CSMD1: variants seen among roughly 807,000 people sequenced by gnomAD.
The protein encoded by CSMD1 is CUB and Sushi multiple domains 1, also known as CUB and sushi domain-containing protein 1.
In CSMD1, 213 loss-of-function variants were observed where a neutral mutation model predicts 417.5. The observed-to-expected ratio is 0.51, with a 90% CI of 0.46 to 0.57. The LOEUF (loss-of-function observed/expected upper bound fraction) is 0.57. CSMD1 is among the 20% of genes least tolerant of loss of function. The pLI, the probability that CSMD1 is intolerant of heterozygous loss-of-function variation, is 0.00. For synonymous variants in CSMD1, 2,862 were observed against 1,736.8 expected, an observed-to-expected ratio of 1.65 and a Z score of -16.11; for missense variants, 6,923 against 4,529.7, an observed-to-expected ratio of 1.53 and a Z score of -15.17.
intron 3 of CSMD1, among the ~76,000 whole-genome samples, chr8:4,034,260 G>C (rs1367719621): frequency 2.0e-5 from 3 of 152,012 alleles, no homozygotes; most frequent in African/African-American, 7.2e-5. Flanking sequence ...GAAATATTTA[G>C]GAAATAAATA....
chr8:3,785,420 A>C (rs1584994488), intron 5 of CSMD1, among the ~76,000 whole-genome samples: 1 of 152,200 alleles, frequency 6.6e-6, no homozygotes, highest in African/African-American at 2.4e-5. Context: ...GGTCAGGCTA[A>C]GCAGCTGGGA....
At chr8:3,478,736 G>T (rs1817567386) in intron 11 of CSMD1, among the ~76,000 whole-genome samples, 1 of 152,200 alleles carries the variant, frequency 6.6e-6, no homozygotes, top group Admixed American at 6.5e-5. Flanking sequence ...ATGGATGTAA[G>T]AGCCACACCA....
At chr8:4,982,379 CGGAG>C (rs1810942410) in intron 1 of CSMD1, among the ~76,000 whole-genome samples, 1 of 152,172 alleles carries the variant, frequency 6.6e-6, no homozygotes, top group Non-Finnish European at 1.5e-5. Flanking sequence ...TCTGGTCCTG[CGGAG>C]AGGATAAACC....
At chr8:4,496,185 T>C (rs1472513719) in intron 2 of CSMD1, among the ~76,000 whole-genome samples, 3 of 152,204 alleles carry the variant, frequency 2.0e-5, no homozygotes, top group African/African-American at 7.2e-5. Context: ...AAAATTTAAA[T>C]TCCATGTTTA....
intron 3 of CSMD1, among the ~76,000 whole-genome samples, chr8:4,172,107 G>C (rs60877273): frequency 1.2e-4 from 18 of 152,018 alleles, no homozygotes; most frequent in Middle Eastern, 6.8e-3. Flanking sequence ...TTTATCATGC[G>C]GATCATTTCA....
At chr8:4,374,438 A>G (rs1802589698) in intron 3 of CSMD1, among the ~76,000 whole-genome samples, 1 of 152,166 alleles carries the variant, frequency 6.6e-6, no homozygotes, top group Non-Finnish European at 1.5e-5. Context: ...TGTAGAAGGA[A>G]TGGAACTTTA....
At chr8:3,534,118 C>T (rs553134159) in intron 10 of CSMD1, among the ~76,000 whole-genome samples, 15 of 152,220 alleles carry the variant, frequency 9.9e-5, no homozygotes, top group South Asian at 4.2e-4. Context: ...CCATATTCCC[C>T]GCTCTCACTC....
intron 3 of CSMD1, among the ~76,000 whole-genome samples, chr8:4,264,894 C>T (rs1804143369): frequency 6.6e-6 from 1 of 152,152 alleles, no homozygotes; most frequent in Admixed American, 6.5e-5. Flanking sequence ...ACAGAGAAAA[C>T]ATGTAGGAAT....
intron 2 of CSMD1, among the ~76,000 whole-genome samples, chr8:4,473,862 G>A (rs556312513): frequency 3.3e-4 from 50 of 152,132 alleles, no homozygotes; most frequent in African/African-American, 1.2e-3. Flanking sequence ...GCATATATAA[G>A]AATTTAATAT....
intron 26 of CSMD1, among the ~76,000 whole-genome samples, chr8:3,268,938 A>T (rs1801637102): frequency 6.6e-6 from 1 of 152,190 alleles, no homozygotes; most frequent in South Asian, 2.1e-4. Flanking sequence ...TTTTTATAGA[A>T]AGAAGCTGAT....
chr8:3,031,966 ATG>A (rs931258151), intron 50 of CSMD1, among the ~76,000 whole-genome samples: 2 of 123,360 alleles, frequency 1.6e-5, no homozygotes, highest in Admixed American at 1.5e-4. Flanking sequence ...ATATGTGTGT[ATG>A]TGTGTGTATA....
At chr8:3,819,555 CACACACG>C (rs1801600175) in intron 5 of CSMD1, among the ~76,000 whole-genome samples, 3 of 81,708 alleles carry the variant, frequency 3.7e-5, no homozygotes, top group African/African-American at 1.6e-4. Context: ...CACACACACA[CACACACG>C]TATGTATATA....
intron 20 of CSMD1, among the ~76,000 whole-genome samples, chr8:3,366,598 T>G (rs1359892985): frequency 6.6e-6 from 1 of 152,196 alleles, no homozygotes; most frequent in South Asian, 2.1e-4. Context: ...ACCTGCTTCT[T>G]TCATCCTAGA....
intron 12 of CSMD1, among the ~76,000 whole-genome samples, chr8:3,438,737 T>A (rs977260783): frequency 6.6e-6 from 1 of 152,170 alleles, no homozygotes; most frequent in Admixed American, 6.5e-5. Context: ...TATTATGTTA[T>A]GTGAACAGAA....
intron 2 of CSMD1, among the ~76,000 whole-genome samples, chr8:4,548,415 G>A (rs1479459945): frequency 6.6e-6 from 1 of 151,878 alleles, no homozygotes; most frequent in Non-Finnish European, 1.5e-5. Context: ...CTATTTCTTT[G>A]TTATGCTATA....
intron 26 of CSMD1, among the ~76,000 whole-genome samples, chr8:3,236,261 C>T (rs73185528): frequency 0.069 from 10,464 of 151,998 alleles, 514 homozygotes; most frequent in Non-Finnish European, 0.099. Context: ...ACATTTAGAG[C>T]TAATGTATAT....
intron 1 of CSMD1, among the ~76,000 whole-genome samples, chr8:4,970,101 T>C (rs532211343): frequency 6.6e-6 from 1 of 152,176 alleles, no homozygotes; most frequent in East Asian, 1.9e-4. Flanking sequence ...AAATAATATA[T>C]AAAGTAATTG....
At chr8:4,330,617 C>T (rs370989496) in intron 3 of CSMD1, among the ~76,000 whole-genome samples, 3 of 151,470 alleles carry the variant, frequency 2.0e-5, no homozygotes, top group East Asian at 3.9e-4. Context: ...TTTGTAATAG[C>T]TCATAAATCT....
At chr8:4,008,964 G>A (rs1393528465) in intron 4 of CSMD1, among the ~76,000 whole-genome samples, 4 of 152,090 alleles carry the variant, frequency 2.6e-5, no homozygotes, top group East Asian at 1.9e-4. Flanking sequence ...AAGAGTTAAT[G>A]TTTACAAACA....
Sources: allele counts gnomAD v4.1 joint callset (sites outside exome capture counted in the v4.1 genomes callset), GRCh38; gene constraint gnomAD v4.1.1; transcripts MANE v1.5; gene names NCBI Gene and HGNC (gene_info 2026-07-23, HGNC 2026-07-21).